Variants in MYO10 observed in about 807,000 individuals in gnomAD.
The protein encoded by MYO10 is unconventional myosin-X.
Under a neutral mutation model 257.3 loss-of-function variants are expected in MYO10, and 133 were observed. The ratio of observed to expected loss-of-function variants is 0.52; its 90% CI spans 0.45 to 0.60. MYO10 has a LOEUF of 0.60. MYO10 is among the 20% of genes least tolerant of loss of function. The pLI, the probability that MYO10 is intolerant of heterozygous loss-of-function variation, is 0.00. For synonymous variants in MYO10, 1,104 were observed against 1,028.6 expected (o/e 1.07, Z -1.40); for missense variants, 2,399 against 2,635.7 (o/e 0.91, Z 1.97).
At chr5:16,777,883 A>C (rs1033031924) in intron 9 of MYO10, among the ~76,000 whole-genome samples, 2 of 107,552 alleles carry the variant, frequency 1.9e-5, no homozygotes, top group Non-Finnish European at 3.3e-5. Context: ...GGAGTCTTGC[A>C]CTGTCACAAG....
chr5:16,809,168 A>G (rs946288440), intron 3 of MYO10, among the ~76,000 whole-genome samples: 15 of 140,230 alleles, frequency 1.1e-4, no homozygotes, highest in African/African-American at 3.7e-4. Flanking sequence ...TTTCATGTGG[A>G]AAAAAAAAAA....
At chr5:16,920,385 C>T (rs1745948728) in intron 1 of MYO10, among the ~76,000 whole-genome samples, 3 of 152,150 alleles carry the variant, frequency 2.0e-5, no homozygotes, top group Admixed American at 2.0e-4. Context: ...GGATGGGCGG[C>T]AAAGGCACTG....
At chr5:16,713,285 T>C (rs975647915) in intron 19 of MYO10, 148 of 981,514 alleles carry the variant, frequency 1.5e-4, no homozygotes, top group Non-Finnish European at 1.7e-4. Context: ...CTAAAGATAT[T>C]ACACCAAAAG....
At chr5:16,855,413 A>G (rs992173980) in intron 2 of MYO10, among the ~76,000 whole-genome samples, 1 of 152,226 alleles carries the variant, frequency 6.6e-6, no homozygotes, top group African/African-American at 2.4e-5. Context: ...AAGGCAAGTT[A>G]TGACCTTTTG....
At chr5:16,689,319 A>G (rs185650341) in intron 28 of MYO10, among the ~76,000 whole-genome samples, 2 of 152,298 alleles carry the variant, frequency 1.3e-5, no homozygotes, top group African/African-American at 2.4e-5. Context: ...GCACCAAGCT[A>G]ATAGTAAGTT....
intron 31 of MYO10, 67 bp downstream of exon 31, chr5:16,681,804 A>T: frequency 6.6e-7 from 1 of 1,519,816 alleles, no homozygotes; most frequent in Non-Finnish European, 8.9e-7. Context: ...AAAATGCTGC[A>T]GATGTCTATA....
intron 32 of MYO10, among the ~76,000 whole-genome samples, chr5:16,680,905 G>A (rs1185402170): frequency 6.6e-6 from 1 of 152,168 alleles, no homozygotes; most frequent in African/African-American, 2.4e-5. Context: ...GGCTGAGGTG[G>A]GAGGATTGCT....
chr5:16,881,858 C>T (rs187687312), intron 1 of MYO10, among the ~76,000 whole-genome samples: 2 of 152,048 alleles, frequency 1.3e-5, no homozygotes, highest in Admixed American at 6.6e-5. Flanking sequence ...ATTTGCCCAC[C>T]GTATGCAAAC....
intron 26 of MYO10, among the ~76,000 whole-genome samples, chr5:16,697,062 T>C (rs1737780418): frequency 6.6e-6 from 1 of 152,164 alleles, no homozygotes; most frequent in Non-Finnish European, 1.5e-5. Flanking sequence ...CATTTTTTCC[T>C]TTGTCAGGTG....
chr5:16,865,047 A>C (rs1414839996), intron 2 of MYO10, among the ~76,000 whole-genome samples: 1 of 151,440 alleles, frequency 6.6e-6, no homozygotes, highest in Non-Finnish European at 1.5e-5. Context: ...TGGGAAAAGC[A>C]CAGAGAATTG....
At chr5:16,683,260 A>G (rs1737090293) in intron 30 of MYO10, among the ~76,000 whole-genome samples, 1 of 152,178 alleles carries the variant, frequency 6.6e-6, no homozygotes, top group African/African-American at 2.4e-5. Flanking sequence ...GTCCTAGAGA[A>G]ACTTTTCTTA....
At chr5:16,861,204 G>A (rs1442726814) in intron 2 of MYO10, among the ~76,000 whole-genome samples, 2 of 145,208 alleles carry the variant, frequency 1.4e-5, no homozygotes, top group African/African-American at 5.1e-5. Context: ...TACAAGACTA[G>A]GGAACATTTT....
intron 2 of MYO10, among the ~76,000 whole-genome samples, chr5:16,873,834 A>C (rs1269732928): frequency 6.6e-6 from 1 of 152,144 alleles, no homozygotes; most frequent in African/African-American, 2.4e-5. Context: ...CAGGGCACCA[A>C]GTCCCTAGGC....
In MYO10 at chr5:16,699,530, T is replaced by A; in HGVS notation, c.3476A>T (p.Asp1159Val). ...EEDFDSRFDT[D>V]DELSYRRDSV... ...GTCACGCCGGTATGAAAGCTCATCA[T>A]CTGTATCAAACCTGGAATCAAAGTC... The change falls in exon 26 of 41, where the codon GAT becomes GTT. Residue 1159 changes from aspartate to valine, a missense_variant. Asp to Val is a radical substitution (Grantham distance 152). Around this residue, in one of 3 missense-constraint regions of MYO10, gnomAD observed 1,820 missense variants for 1,939.4 expected, o/e 0.94. Coordinates refer to ENST00000513610, the MANE Select transcript of MYO10 (RefSeq NM_012334.3). 1.9e-6 allele frequency: 3 copies of A among 1,613,710 alleles called. No homozygotes were observed. The highest frequency in any genetic ancestry group is 1.7e-6 in the Non-Finnish European group (2 of 1,179,818).
At chr5:16,719,989 CGTGTGTGT>C (rs10526050) in intron 19 of MYO10, among the ~76,000 whole-genome samples, 2,419 of 143,546 alleles carry the variant, frequency 0.017, 60 homozygotes, top group African/African-American at 0.06. Context: ...TGTGTGCGTG[CGTGTGTGT>C]GTGTGTGTGT....
At chr5:16,816,211 C>G (rs1444728775) in intron 3 of MYO10, among the ~76,000 whole-genome samples, 1 of 151,636 alleles carries the variant, frequency 6.6e-6, no homozygotes, top group Admixed American at 6.6e-5. Context: ...TGGTAGCACA[C>G]GCCTGTAGTC....
chr5:16,914,761 A>T (rs1051070163), intron 1 of MYO10, among the ~76,000 whole-genome samples: 1 of 152,204 alleles, frequency 6.6e-6, no homozygotes, highest in African/African-American at 2.4e-5. Context: ...TGGAACCGGC[A>T]AGCCACCTGG....
rs1560979466 is a variant in MYO10, at chr5:16,777,839, C to CCTTTTTTTTTTTTT, written c.930+1705_930+1706insAAAAAAAAAAAAAG. Among the ~76,000 whole-genome samples, 37 of 88,478 alleles carry CCTTTTTTTTTTTTT rather than the reference C, an allele frequency of 4.2e-4. 4 individuals carry two copies. The highest frequency in any genetic ancestry group is 1.4e-3 in the African/African-American group (27 of 18,652). 58.0% of individuals were successfully genotyped at this position (88,478 alleles called of 152,430 possible). A position where few individuals can be genotyped will look rare whatever the true frequency, so the allele number is the denominator to read the frequency against. On this transcript the variant is annotated intron_variant, in intron 9 of 40. Coordinates refer to ENST00000513610, the MANE Select transcript of MYO10 (RefSeq NM_012334.3). ...GCCACCCTAGGTGCATTGCATCTAA[C>CCTTTTTTTTTTTTT]TTTTTTTTTTTTTTTTTTTTTTTTT...
intron 1 of MYO10, among the ~76,000 whole-genome samples, chr5:16,925,983 G>C (rs1746119454): frequency 2.6e-5 from 4 of 152,138 alleles, no homozygotes; most frequent in Admixed American, 2.6e-4. Flanking sequence ...CAGTAGAGTG[G>C]CTATGGTTAA....
Sources: gnomAD v4.1 joint callset for allele counts (sites outside exome capture counted in the v4.1 genomes callset) on GRCh38, gnomAD v4.1.1 for gene constraint, gnomAD v4.1.1 regional missense constraint, MANE v1.5 for transcripts, NCBI Gene and HGNC (gene_info 2026-07-23, HGNC 2026-07-21) for gene names.